The following LHFPL6 variants were observed in gnomAD, a reference collection of about 807,000 sequenced individuals.
LHFPL6 encodes LHFPL tetraspan subfamily member 6 protein.
In LHFPL6, 9 loss-of-function variants were observed where a neutral mutation model predicts 20.6. The observed-to-expected ratio is 0.44, with a 90% CI of 0.26 to 0.76. The LOEUF (loss-of-function observed/expected upper bound fraction) is 0.76. LHFPL6 is among the 30% of genes least tolerant of loss of function. LHFPL6 has a pLI of 0.20. For synonymous variants in LHFPL6, 105 were observed against 98.7 expected (o/e 1.06, Z -0.38); for missense variants, 218 against 253.5 (o/e 0.86, Z 0.95).
At chr13:39,415,482 G>C (rs1437841302) in intron 2 of LHFPL6, among the ~76,000 whole-genome samples, 3 of 146,182 alleles carry the variant, frequency 2.1e-5, no homozygotes, top group Admixed American at 7.0e-5. Flanking sequence ...GGCAAAGACA[G>C]CTTGCCATAA....
chr13:39,454,905 G>A (rs1371177619), intron 2 of LHFPL6, among the ~76,000 whole-genome samples: 1 of 152,144 alleles, frequency 6.6e-6, no homozygotes, highest in Non-Finnish European at 1.5e-5. Flanking sequence ...AAATGCATCT[G>A]GAAAAATAAA....
In LHFPL6 at chr13:39,400,555, G is replaced by A. The variant is rs76302684; in HGVS notation, c.386-22029C>T. Among the ~76,000 whole-genome samples, 163 of 151,898 alleles carry A rather than the reference G, an allele frequency of 1.1e-3. No individual in the cohort carries two copies. In the East Asian group the frequency reaches 0.028, roughly 26 times the overall value. The stretch of plus-strand genomic sequence containing the variant: ...TCCCAGCACTTTGGGAGGCCGAGGC[G>A]GGCGGATCACGAGGTCAGGAGATCG... On this transcript the variant is annotated intron_variant, in intron 2 of 3. Transcript: ENST00000379589.
chr13:39,583,646 G>T (rs1285127399), intron 2 of LHFPL6, among the ~76,000 whole-genome samples: 1 of 152,178 alleles, frequency 6.6e-6, no homozygotes, highest in Non-Finnish European at 1.5e-5. Flanking sequence ...GAATCCAGGT[G>T]CCTTCCAGCC....
intron 2 of LHFPL6, among the ~76,000 whole-genome samples, chr13:39,426,290 G>A (rs1358862416): frequency 4.7e-5 from 7 of 149,536 alleles, no homozygotes; most frequent in Admixed American, 6.7e-5. Flanking sequence ...GCACCATCTC[G>A]GCTCACTACA....
rs9576837 is a variant in LHFPL6 at position 39,531,866 on chromosome 13, C to A, written c.385+68966G>T. Among the ~76,000 whole-genome samples the A allele has an allele frequency of 1.3e-3, 196 of 152,174 alleles. 3 individuals are homozygous for A. The South Asian group carries it at 0.019, about 15-fold the overall frequency. ...AGGAGAGTCATGGGGGAAAAGGTCACGTGATATATGCCAACACCCTGAAAA... is the reference window on the plus strand; with the variant it reads ...AGGAGAGTCATGGGGGAAAAGGTCAAGTGATATATGCCAACACCCTGAAAA... On this transcript the variant is annotated intron_variant, in intron 2 of 3. Coordinates refer to ENST00000379589, the MANE Select transcript of LHFPL6 (RefSeq NM_005780.3).
At chr13:39,583,919 C>T (rs1872366128) in intron 2 of LHFPL6, among the ~76,000 whole-genome samples, 1 of 152,262 alleles carries the variant, frequency 6.6e-6, no homozygotes, top group East Asian at 1.9e-4. Flanking sequence ...CACCCAAGCG[C>T]CTCGTCTTGT....
intron 2 of LHFPL6, among the ~76,000 whole-genome samples, chr13:39,574,453 A>C (rs960319760): frequency 6.6e-6 from 1 of 150,910 alleles, no homozygotes; most frequent in Non-Finnish European, 1.5e-5. Flanking sequence ...ACTGCACTCC[A>C]GCCTGGGTGA....
intron 2 of LHFPL6, among the ~76,000 whole-genome samples, chr13:39,519,249 T>TA (rs199696306): frequency 0.14 from 18,786 of 131,834 alleles, 1,335 homozygotes; most frequent in Admixed American, 0.22. Flanking sequence ...AAAATAAAAA[T>TA]AAAAAAAAAA....
chr13:39,506,228 G>A (rs369157199), intron 2 of LHFPL6, among the ~76,000 whole-genome samples: 3 of 152,282 alleles, frequency 2.0e-5, no homozygotes, highest in East Asian at 3.9e-4. Flanking sequence ...GATCAACAGT[G>A]CGGTTAATAG....
intron 2 of LHFPL6, among the ~76,000 whole-genome samples, chr13:39,492,943 G>A (rs757001437): frequency 6.6e-6 from 1 of 151,868 alleles, no homozygotes; most frequent in African/African-American, 2.4e-5. Flanking sequence ...GCCTCCCAAA[G>A]TGCTGGGATT....
intron 2 of LHFPL6, among the ~76,000 whole-genome samples, chr13:39,418,088 C>T (rs897988301): frequency 6.6e-6 from 1 of 152,030 alleles, no homozygotes; most frequent in Non-Finnish European, 1.5e-5. Context: ...TCTACTCTTC[C>T]CACTCCACCA....
At chr13:39,439,982 T>C (rs780485345) in intron 2 of LHFPL6, among the ~76,000 whole-genome samples, 1 of 152,226 alleles carries the variant, frequency 6.6e-6, no homozygotes, top group African/African-American at 2.4e-5. Context: ...TAACTAACAG[T>C]GGCTACTGTT....
chr13:39,525,661 A>C (rs965285286), intron 2 of LHFPL6, among the ~76,000 whole-genome samples: 4 of 152,128 alleles, frequency 2.6e-5, no homozygotes, highest in Non-Finnish European at 5.9e-5. Flanking sequence ...ACAATAAAAA[A>C]AAAAATACTA....
chr13:39,364,704 T>A (rs1409134836), intron 3 of LHFPL6, among the ~76,000 whole-genome samples: 1 of 152,082 alleles, frequency 6.6e-6, no homozygotes, highest in Non-Finnish European at 1.5e-5. Flanking sequence ...GTGCAGAACA[T>A]GCGGATTTGT....
intron 3 of LHFPL6, among the ~76,000 whole-genome samples, chr13:39,354,520 G>A (rs557185357): frequency 2.0e-5 from 3 of 152,250 alleles, no homozygotes; most frequent in East Asian, 1.9e-4. Flanking sequence ...CTAGCTCTCC[G>A]GAAATGGTTG....
At chr13:39,456,624 G>A (rs1287880843) in intron 2 of LHFPL6, among the ~76,000 whole-genome samples, 1 of 152,288 alleles carries the variant, frequency 6.6e-6, no homozygotes, top group East Asian at 1.9e-4. Flanking sequence ...AGAAGAGATA[G>A]ACTTTTCCAC....
chr13:39,383,674 G>A (rs566911572), intron 2 of LHFPL6, among the ~76,000 whole-genome samples: 1 of 152,314 alleles, frequency 6.6e-6, no homozygotes, highest in South Asian at 2.1e-4. Flanking sequence ...GCTCTTTAAA[G>A]TTCTTCCTTT....
intron 2 of LHFPL6, among the ~76,000 whole-genome samples, chr13:39,500,658 A>G (rs1160186717): frequency 1.3e-5 from 2 of 152,168 alleles, no homozygotes; most frequent in Admixed American, 6.5e-5. Flanking sequence ...TCCCTCAATT[A>G]AATCATAAAT....
Position 39,456,468 on chromosome 13 carries a change from CA to C in LHFPL6, c.386-77943del, listed in dbSNP as rs563543464. Reference sequence around the variant, plus strand: ...AAATTAAACCAAAAACAATTCTTCACAAAATATTAATATATTGAATACAACA... The same window carrying C: ...AAATTAAACCAAAAACAATTCTTCACAAATATTAATATATTGAATACAACA... On this transcript the variant is annotated intron_variant, in intron 2 of 3. Coordinates refer to ENST00000379589, the MANE Select transcript of LHFPL6 (RefSeq NM_005780.3). Among the ~76,000 whole-genome samples the C allele has an allele frequency of 2.5e-4, 38 of 152,202 alleles. 1 individual carries two copies. In the South Asian group the frequency reaches 7.9e-3, roughly 32 times the overall value.
Sources: allele counts gnomAD v4.1 joint callset (sites outside exome capture counted in the v4.1 genomes callset), GRCh38; gene constraint gnomAD v4.1.1; transcripts MANE v1.5; gene names NCBI Gene and HGNC (gene_info 2026-07-23, HGNC 2026-07-21).